The following KCNN3 variants were observed in gnomAD, a reference collection of about 807,000 sequenced individuals.
KCNN3 encodes small conductance calcium-activated potassium channel protein 3.
In KCNN3, 16 loss-of-function variants were observed where a neutral mutation model predicts 62.9. The observed-to-expected ratio is 0.25, with a 90% CI of 0.17 to 0.39. The LOEUF (loss-of-function observed/expected upper bound fraction) is 0.39. KCNN3 is among the 10% of genes least tolerant of loss of function. The pLI is 1.00. For missense variants in KCNN3, 599 were observed against 949.4 expected (o/e 0.63, Z 4.85); for synonymous variants, 370 against 389.2 (o/e 0.95, Z 0.58).
At chr1:154,743,889 T>C (rs1302139005) in intron 3 of KCNN3, among the ~76,000 whole-genome samples, 1 of 152,208 alleles carries the variant, frequency 6.6e-6, no homozygotes, top group Non-Finnish European at 1.5e-5. Context: ...ACTGTGGGTT[T>C]ATTGTGAAGT....
chr1:154,790,528 A>G (rs1649469494), intron 2 of KCNN3, among the ~76,000 whole-genome samples: 1 of 152,228 alleles, frequency 6.6e-6, no homozygotes, highest in South Asian at 2.1e-4. Context: ...TTTACTGAAC[A>G]CTGTAAACGG....
At chr1:154,863,512 G>A (rs189123016) in intron 1 of KCNN3, among the ~76,000 whole-genome samples, 157 of 151,904 alleles carry the variant, frequency 1.0e-3, no homozygotes, top group African/African-American at 3.7e-3. Context: ...CACAACCCCC[G>A]CACACACTCA....
At chr1:154,767,833 C>T (rs1417756011) in intron 3 of KCNN3, among the ~76,000 whole-genome samples, 2 of 152,198 alleles carry the variant, frequency 1.3e-5, no homozygotes, top group African/African-American at 2.4e-5. Context: ...CCCCATGGCA[C>T]GGCTGTTCTG....
intron 1 of KCNN3, among the ~76,000 whole-genome samples, chr1:154,839,901 A>G (rs1651757134): frequency 6.6e-6 from 1 of 152,220 alleles, no homozygotes; most frequent in Non-Finnish European, 1.5e-5. Flanking sequence ...CCCAGCTGCT[A>G]GCTCCTTGCC....
intron 1 of KCNN3, among the ~76,000 whole-genome samples, chr1:154,867,726 C>T (rs906188549): frequency 1.3e-5 from 2 of 149,710 alleles, no homozygotes; most frequent in African/African-American, 4.9e-5. Context: ...AGCCACCCCC[C>T]CACCAAGCCA....
intron 2 of KCNN3, among the ~76,000 whole-genome samples, chr1:154,798,682 T>C (rs1649834612): frequency 6.6e-6 from 1 of 152,220 alleles, no homozygotes; most frequent in Non-Finnish European, 1.5e-5. Context: ...TCTCTGGTTT[T>C]GTCCCCACAA....
rs140468225 is a variant in KCNN3 at position 154,785,244 on chromosome 1, A to C, written c.1030-12851T>G. Among the ~76,000 whole-genome samples the C allele has an allele frequency of 2.8e-4, 42 of 152,252 alleles. No homozygotes were observed. The East Asian group carries it at 7.9e-3, about 29-fold the overall frequency. On this transcript the variant is annotated intron_variant, in intron 2 of 7. Transcript: ENST00000271915. Reference sequence around the variant, plus strand: ...GCTGGGCCCTGATTGGTTCTAAGTCACCTGTTTACCACTAAGGGAGAAATT... The same window carrying C: ...GCTGGGCCCTGATTGGTTCTAAGTCCCCTGTTTACCACTAAGGGAGAAATT...
intron 2 of KCNN3, among the ~76,000 whole-genome samples, chr1:154,773,978 G>A (rs957304382): frequency 6.6e-6 from 1 of 152,200 alleles, no homozygotes; most frequent in Non-Finnish European, 1.5e-5. Context: ...GGACTCTGGA[G>A]CCAGATTGCC....
chr1:154,838,230 G>C (rs1287768045), intron 1 of KCNN3, among the ~76,000 whole-genome samples: 1 of 152,182 alleles, frequency 6.6e-6, no homozygotes, highest in East Asian at 1.9e-4. Context: ...TCAGGACCCT[G>C]AGGCCTCGAC....
chr1:154,726,069 C>A lies in KCNN3; in HGVS notation c.1591-43G>T, dbSNP rs775097629. On this transcript the variant is annotated intron_variant, in intron 4 of 7. Coordinates refer to ENST00000271915, the MANE Select transcript of KCNN3 (RefSeq NM_002249.6). ...GAGGACCAGAGGGGAAAGAACATAT[C>A]ATTAAGAGGCAAGATGAGAGACTCA... 4 of 1,449,050 alleles carry A rather than the reference C, an allele frequency of 2.8e-6. No homozygotes were observed. In the African/African-American group the frequency reaches 5.6e-5, roughly 20 times the overall value. 89.8% of individuals were successfully genotyped at this position (1,449,050 alleles called of 1,614,324 possible).
intron 3 of KCNN3, among the ~76,000 whole-genome samples, chr1:154,740,464 T>A (rs977401245): frequency 6.6e-6 from 1 of 152,214 alleles, no homozygotes; most frequent in Non-Finnish European, 1.5e-5. Context: ...TTCTTAATCA[T>A]AGCTCCTGGT....
chr1:154,869,952 C>T lies in KCNN3; in HGVS notation c.13G>A (p.Gly5Arg), dbSNP rs1314820187. ...CCCACCCCCGAGTCATGGAAGTGCC[C>T]AGAAGTGTCCATCTTGGGGCCTGGC... The part of the protein sequence containing the change: MDTS[G>R]HFHDSGVGDL... Residue 5 changes from glycine to arginine, a missense_variant, in exon 1 of 8, where the codon GGG becomes AGG. Physicochemically the swap from Gly to Arg is moderately radical, Grantham distance 125. Around this residue, in one of 7 missense-constraint regions of KCNN3, gnomAD observed 59 missense variants for 62.4 expected, o/e 0.95. Transcript: ENST00000271915. The surrounding 1 kb of genome is among the most constrained non-coding windows in gnomAD (Gnocchi z 6.1). 9.3e-6 allele frequency: 15 copies of T among 1,611,072 alleles called. No individual in the cohort carries two copies. Among genetic ancestry groups the T allele is most frequent in the African/African-American group, 1.3e-5 (1 of 74,892 alleles).
intron 2 of KCNN3, among the ~76,000 whole-genome samples, chr1:154,802,471 G>A (rs1649996740): frequency 6.6e-6 from 1 of 152,168 alleles, no homozygotes; most frequent in African/African-American, 2.4e-5. Flanking sequence ...AGCTGGCCAG[G>A]GGCAGGGCCC....
chr1:154,791,728 A>G (rs1649528875), intron 2 of KCNN3, among the ~76,000 whole-genome samples: 1 of 152,204 alleles, frequency 6.6e-6, no homozygotes, highest in Non-Finnish European at 1.5e-5. Flanking sequence ...TCCACAGCTT[A>G]AAGTACCTGG....
intron 2 of KCNN3, among the ~76,000 whole-genome samples, chr1:154,807,195 T>C (rs2741878): frequency 0.98 from 149,417 of 152,276 alleles, 73,366 homozygotes; most frequent in Middle Eastern, 1. Flanking sequence ...GCCGAGGACA[T>C]ACAGAGAAGG....
intron 1 of KCNN3, among the ~76,000 whole-genome samples, chr1:154,858,570 C>G (rs1652630381): frequency 6.6e-6 from 1 of 152,170 alleles, no homozygotes. Context: ...TCTCTGCACT[C>G]CTGCCGCCTG....
chr1:154,788,629 C>T (rs968187126), intron 2 of KCNN3, among the ~76,000 whole-genome samples: 1 of 152,154 alleles, frequency 6.6e-6, no homozygotes, highest in Non-Finnish European at 1.5e-5. Context: ...ACCAAATACT[C>T]CCCTGCCTTC....
chr1:154,806,844 C>T (rs926888329), intron 2 of KCNN3, among the ~76,000 whole-genome samples: 2 of 152,160 alleles, frequency 1.3e-5, no homozygotes, highest in African/African-American at 2.4e-5. Flanking sequence ...GCTTGGGTTT[C>T]CTGCGGTCCC....
At chr1:154,784,427 C>T (rs1258336533) in intron 2 of KCNN3, among the ~76,000 whole-genome samples, 2 of 152,182 alleles carry the variant, frequency 1.3e-5, no homozygotes, top group Non-Finnish European at 2.9e-5. Context: ...CCAGTAACCC[C>T]TAAGCTTGCG....
Sources: allele counts gnomAD v4.1 joint callset (sites outside exome capture counted in the v4.1 genomes callset), GRCh38; gene constraint gnomAD v4.1.1; regional missense constraint gnomAD v4.1.1; non-coding constraint Gnocchi (gnomAD v3.1); transcripts MANE v1.5; gene names NCBI Gene and HGNC (gene_info 2026-07-23, HGNC 2026-07-21).